Variants in DLGAP1 observed in about 807,000 individuals in gnomAD.
The protein encoded by DLGAP1 is disks large-associated protein 1.
A neutral mutation model predicts 90.8 loss-of-function variants in DLGAP1; 11 were observed. The observed-to-expected ratio is 0.12, with a 90% CI of 0.08 to 0.20. DLGAP1 has a LOEUF of 0.20. Among genes scored for constraint, DLGAP1 ranks in the 10% least tolerant of loss-of-function variants. The pLI is 1.00. For synonymous variants in DLGAP1, 558 were observed against 540.7 expected (o/e 1.03, Z -0.44); for missense variants, 1,050 against 1,333.8 (o/e 0.79, Z 3.31).
chr18:3,741,088 TCACCAC>T (rs1568048256), intron 6 of DLGAP1, among the ~76,000 whole-genome samples: 19 of 45,814 alleles, frequency 4.1e-4, no homozygotes, highest in Non-Finnish European at 6.1e-4. Flanking sequence ...ACCATCACCA[TCACCAC>T]CACCACCATC....
chr18:3,893,064 T>C (rs978857632), intron 3 of DLGAP1, among the ~76,000 whole-genome samples: 2 of 152,010 alleles, frequency 1.3e-5, no homozygotes, highest in Non-Finnish European at 2.9e-5. Flanking sequence ...CACCCTCCCA[T>C]GCTTCTGAGT....
chr18:4,256,223 A>G (rs1308886039), intron 1 of DLGAP1, among the ~76,000 whole-genome samples: 1 of 152,150 alleles, frequency 6.6e-6, no homozygotes, highest in Non-Finnish European at 1.5e-5. Flanking sequence ...CATCTCTACA[A>G]CAAACACACA....
rs545075390 is a variant in DLGAP1, at chr18:3,761,094, T to A, written c.1173-18582A>T. ...TCATTGTGGCAAAATACACATAATATAAAATCCACTGAATTCACCATTTTA... is the reference window on the plus strand; with the variant it reads ...TCATTGTGGCAAAATACACATAATAAAAAATCCACTGAATTCACCATTTTA... On this transcript the variant is annotated intron_variant, in intron 5 of 12. Coordinates refer to ENST00000315677, the MANE Select transcript of DLGAP1 (RefSeq NM_004746.4). 3.9e-5 allele frequency among the ~76,000 whole-genome samples: 6 copies of A among 152,332 alleles called. No individual in the cohort carries two copies. In the South Asian group the frequency reaches 1.2e-3, roughly 32 times the overall value.
At chr18:4,240,050 T>A (rs2078499148) in intron 1 of DLGAP1, among the ~76,000 whole-genome samples, 1 of 152,214 alleles carries the variant, frequency 6.6e-6, no homozygotes. Flanking sequence ...TTCCTTTGTC[T>A]TGTAATTTAC....
chr18:3,818,675 C>G (rs1401477364), intron 4 of DLGAP1, among the ~76,000 whole-genome samples: 1 of 151,230 alleles, frequency 6.6e-6, no homozygotes, highest in Non-Finnish European at 1.5e-5. Context: ...GATCTTAGCT[C>G]ACTGCAACCC....
chr18:3,505,959 A>C (rs2143724356), intron 11 of DLGAP1, among the ~76,000 whole-genome samples: 1 of 152,286 alleles, frequency 6.6e-6, no homozygotes, highest in South Asian at 2.1e-4. Context: ...TTTTTGGGCC[A>C]GGTGCGGTGG....
chr18:3,655,926 TA>T, intron 7 of DLGAP1: 1 of 691,536 alleles, frequency 1.4e-6, no homozygotes, highest in South Asian at 2.1e-5. Context: ...CTTTGCAGCA[TA>T]AAATGACCAG....
At position 4,105,902 on chromosome 18, in the gene DLGAP1, G is replaced by A. The variant is rs533961866; in HGVS notation, c.-159+45278C>T. On this transcript the variant is annotated intron_variant, in intron 2 of 12. Coordinates refer to ENST00000315677, the MANE Select transcript of DLGAP1 (RefSeq NM_004746.4). The stretch of plus-strand genomic sequence containing the variant: ...AAAAAATTAGCCGGGCGTGGTGGCG[G>A]GCACCTGTAGTCCCAGCTACTCGGG... Among the ~76,000 whole-genome samples the A allele has an allele frequency of 2.6e-5, 4 of 151,814 alleles. No homozygotes were observed. In the South Asian group the frequency reaches 8.3e-4, roughly 31 times the overall value.
intron 1 of DLGAP1, among the ~76,000 whole-genome samples, chr18:4,236,424 G>C (rs1372553624): frequency 1.3e-5 from 2 of 152,126 alleles, no homozygotes; most frequent in African/African-American, 4.8e-5. Flanking sequence ...CTGAAGCACG[G>C]TGTGGTAGAA....
At chr18:4,144,663 G>A (rs921852372) in intron 2 of DLGAP1, among the ~76,000 whole-genome samples, 2 of 152,122 alleles carry the variant, frequency 1.3e-5, no homozygotes, top group African/African-American at 2.4e-5. Flanking sequence ...TGATAGTGGA[G>A]GCATCTATCC....
At chr18:4,013,224 C>T (rs184555068) in intron 2 of DLGAP1, among the ~76,000 whole-genome samples, 7 of 152,032 alleles carry the variant, frequency 4.6e-5, no homozygotes, top group East Asian at 1.9e-4. Context: ...TATTGTTTGC[C>T]GGGTACTATT....
chr18:4,277,151 C>T (rs77266198), intron 1 of DLGAP1, among the ~76,000 whole-genome samples: 4,235 of 152,250 alleles, frequency 0.028, 139 homozygotes, highest in African/African-American at 0.076. Context: ...TGTGTATACA[C>T]GTGATATAGA....
intron 3 of DLGAP1, among the ~76,000 whole-genome samples, chr18:3,989,717 T>A (rs989114102): frequency 2.0e-5 from 3 of 151,648 alleles, no homozygotes; most frequent in African/African-American, 7.3e-5. Context: ...TGGGAGAAAA[T>A]TTTTTAACCT....
intron 3 of DLGAP1, among the ~76,000 whole-genome samples, chr18:3,959,589 G>A (rs893069507): frequency 6.6e-6 from 1 of 151,908 alleles, no homozygotes; most frequent in East Asian, 1.9e-4. Context: ...GCTTGAACCC[G>A]GGAGGTGGAG....
chr18:4,247,851 T>C (rs1408531227), intron 1 of DLGAP1, among the ~76,000 whole-genome samples: 1 of 152,182 alleles, frequency 6.6e-6, no homozygotes, highest in African/African-American at 2.4e-5. Context: ...GAGGATTAAA[T>C]GTCTTTTGGA....
rs2050934265 is a variant in DLGAP1, at chr18:3,517,803, G to C, written c.2480-9142C>G. The stretch of plus-strand genomic sequence containing the variant: ...TTGCACTCCAGCCTGGGCAACAAGA[G>C]AGAAACTCTGTCTCGGAAAAAAAAA... On this transcript the variant is annotated intron_variant, in intron 10 of 12. Transcript: ENST00000315677. This position sits in a 1 kb window ranked among gnomAD's most constrained non-coding sequence, Gnocchi z 4.1. Among the ~76,000 whole-genome samples, 1 of 139,500 alleles carries C rather than the reference G, an allele frequency of 7.2e-6. No individual in the cohort carries two copies. The highest frequency in any genetic ancestry group is 2.1e-4 in the East Asian group (1 of 4,696). The allele number at this position is 139,500 out of a possible 152,430, so 91.5% of individuals were successfully genotyped here.
At chr18:4,263,786 AT>A (rs112282908) in intron 1 of DLGAP1, among the ~76,000 whole-genome samples, 60 of 152,198 alleles carry the variant, frequency 3.9e-4, no homozygotes, top group African/African-American at 1.3e-3. Flanking sequence ...TCATCTTTGT[AT>A]TTTTTTAATG....
At chr18:3,678,632 G>A (rs414273) in intron 7 of DLGAP1, among the ~76,000 whole-genome samples, 45,297 of 151,902 alleles carry the variant, frequency 0.3, 7,363 homozygotes, top group East Asian at 0.58. Flanking sequence ...TTCCAAGAAC[G>A]AACAAGGATC....
intron 2 of DLGAP1, among the ~76,000 whole-genome samples, chr18:4,075,666 AAAC>A (rs2075512183): frequency 1.3e-5 from 2 of 152,210 alleles, no homozygotes; most frequent in Admixed American, 1.3e-4. Context: ...TTAGGCTAGA[AAAC>A]AACAACAGGC....
Sources: allele counts gnomAD v4.1 joint callset (sites outside exome capture counted in the v4.1 genomes callset), GRCh38; gene constraint gnomAD v4.1.1; non-coding constraint Gnocchi (gnomAD v3.1); transcripts MANE v1.5; gene names NCBI Gene and HGNC (gene_info 2026-07-23, HGNC 2026-07-21).